The following CIB2 variants were observed in gnomAD, a reference collection of about 807,000 sequenced individuals.
CIB2 encodes the protein calcium and integrin binding family member 2.
CIB2 carries 19 observed loss-of-function variants against 23.1 expected under a neutral mutation model. That is an observed-to-expected ratio of 0.82 (90% CI 0.57 to 1.21). The LOEUF (loss-of-function observed/expected upper bound fraction) is 1.21. Among genes scored for constraint, CIB2 ranks in the 50% most tolerant of loss-of-function variants. CIB2 has a pLI of 0.00. For missense variants in CIB2, 220 were observed against 241.5 expected, an observed-to-expected ratio of 0.91 and a Z score of 0.59; for synonymous variants, 94 against 91.7, an observed-to-expected ratio of 1.03 and a Z score of -0.14.
chr15:78,117,246 C>CGAAAAAAAAAAAA, intron 2 of CIB2, among the ~76,000 whole-genome samples: 1 of 55,496 alleles, frequency 1.8e-5, no homozygotes. Context: ...AAGCTACTGG[C>CGAAAAAAAAAAAA]AAAAAAAAAA....
chr15:78,130,817 G>A (rs1269492373), intron 1 of CIB2, among the ~76,000 whole-genome samples: 1 of 152,200 alleles, frequency 6.6e-6, no homozygotes, highest in Admixed American at 6.5e-5. Flanking sequence ...AGGGAGCGGG[G>A]AGGGCGGTCC....
chr15:78,109,410 G>A, intron 3 of CIB2, 28 bp from the exon 4 acceptor site: 2 of 1,613,486 alleles, frequency 1.2e-6, no homozygotes, highest in Middle Eastern at 1.6e-4. Context: ...AGCAATCACT[G>A]TGGGTGCAGG....
At chr15:78,129,896 C>T (rs1316158454) in intron 1 of CIB2, among the ~76,000 whole-genome samples, 1 of 152,186 alleles carries the variant, frequency 6.6e-6, no homozygotes, top group Non-Finnish European at 1.5e-5. Flanking sequence ...GCGTAGAGGG[C>T]ATCAATTACT....
At chr15:78,128,076 CAAG>C (rs1330114138) in intron 1 of CIB2, among the ~76,000 whole-genome samples, 1 of 152,236 alleles carries the variant, frequency 6.6e-6, no homozygotes, top group East Asian at 1.9e-4. Context: ...AGAGGCCATA[CAAG>C]AAGGAAGCTG....
In CIB2 at chr15:78,117,246, C is replaced by CAAAAA. The variant is rs60332437; in HGVS notation, c.87-5975_87-5971dup. ...GTTAAGTGTTTCTTCAAGCTACTGGCAAAAAAAAAAAAAAAAAAAAAAAAA... is the reference window on the plus strand; with the variant it reads ...GTTAAGTGTTTCTTCAAGCTACTGGCAAAAAAAAAAAAAAAAAAAAAAAAAAAAAA... On this transcript the variant is annotated intron_variant, in intron 2 of 5. Coordinates refer to ENST00000258930, the MANE Select transcript of CIB2 (RefSeq NM_006383.4). Among the ~76,000 whole-genome samples, 21 of 55,472 alleles carry CAAAAA rather than the reference C, an allele frequency of 3.8e-4. 4 individuals carry two copies. The highest frequency in any genetic ancestry group is 3.7e-3 in the East Asian group (3 of 800). 36.4% of individuals were successfully genotyped at this position (55,472 alleles called of 152,430 possible).
At chr15:78,105,988 C>G in intron 4 of CIB2, 54 bp from the exon 5 acceptor site, 1 of 1,460,114 alleles carries the variant, frequency 6.8e-7, no homozygotes, top group Non-Finnish European at 9.6e-7. Context: ...ACCCAGGGAC[C>G]CCTACACTAT....
chr15:78,119,396 C>T (rs1194624325), intron 2 of CIB2, among the ~76,000 whole-genome samples: 4 of 152,146 alleles, frequency 2.6e-5, no homozygotes, highest in African/African-American at 7.2e-5. Flanking sequence ...TGTGGGTGTA[C>T]AAACATCTCA....
Position 78,105,909 on chromosome 15 carries a change from G to C in CIB2, c.372C>G (p.Cys124Trp). The C allele has an allele frequency of 6.2e-7, 1 of 1,614,150 alleles. No individual in the cohort carries two copies. The change falls in exon 5 of 6, where the codon TGC becomes TGG. Residue 124 changes from cysteine (C) to tryptophan (W), a missense_variant. Coordinates refer to ENST00000258930, the MANE Select transcript of CIB2 (RefSeq NM_006383.4). ...IYDFNTDNFI[C>W]KEDLELTLAR... Reference sequence around the variant, plus strand: ...CCAGCGTCAGCTCCAGGTCCTCCTTGCAGATGAAGTTGTCAGTGTTGAAGT... The same window carrying C: ...CCAGCGTCAGCTCCAGGTCCTCCTTCCAGATGAAGTTGTCAGTGTTGAAGT...
intron 1 of CIB2, among the ~76,000 whole-genome samples, chr15:78,128,799 A>G (rs931994111): frequency 2.6e-5 from 4 of 152,128 alleles, no homozygotes; most frequent in Non-Finnish European, 5.9e-5. Flanking sequence ...AGGAGGGAGC[A>G]GTCAGACCTC....
intron 1 of CIB2, among the ~76,000 whole-genome samples, chr15:78,124,297 G>A (rs1235370556): frequency 6.6e-6 from 1 of 152,080 alleles, no homozygotes; most frequent in Admixed American, 6.5e-5. Context: ...CCAGAGAAGG[G>A]AGTGAAGAGG....
At chr15:78,110,317 C>T (rs746768254) in intron 3 of CIB2, among the ~76,000 whole-genome samples, 43 of 152,246 alleles carry the variant, frequency 2.8e-4, no homozygotes, top group Non-Finnish European at 2.5e-4. Context: ...CCATGAGTGT[C>T]TCACCTGCTC....
At chr15:78,111,862 C>T (rs1317096153) in intron 2 of CIB2, among the ~76,000 whole-genome samples, 1 of 152,214 alleles carries the variant, frequency 6.6e-6, no homozygotes, top group Non-Finnish European at 1.5e-5. Context: ...AGCCTGGGCC[C>T]ACTTCGTGGC....
chr15:78,123,864 T>A, intron 1 of CIB2, 125 bp from the exon 2 acceptor site: 2 of 1,091,490 alleles, frequency 1.8e-6, no homozygotes, highest in South Asian at 2.6e-5. Context: ...GTCACTACTA[T>A]CCCTTTCCAC....
At chr15:78,108,686 G>T (rs912938796) in intron 4 of CIB2, among the ~76,000 whole-genome samples, 1 of 152,206 alleles carries the variant, frequency 6.6e-6, no homozygotes, top group African/African-American at 2.4e-5. Context: ...ACACCTCAAA[G>T]CTGCTGAGTG....
Position 78,131,086 on chromosome 15 carries a change from G to C in CIB2, c.51+79C>G. ...ACCTGGGAGAGCTGGCTCTCGGGAG[G>C]CCTCGGCCAGCGACCGAGAAAAGGG... On this transcript the variant is annotated intron_variant, in intron 1 of 5. Coordinates refer to ENST00000258930, the MANE Select transcript of CIB2 (RefSeq NM_006383.4). This position sits in a 1 kb window ranked among gnomAD's most constrained non-coding sequence, Gnocchi z 5.8. 1 of 1,306,832 alleles carries C rather than the reference G, an allele frequency of 7.7e-7. No individual in the cohort carries two copies. The allele number at this position is 1,306,832 out of a possible 1,614,324, so 81.0% of individuals were successfully genotyped here. A position where few individuals can be genotyped will look rare whatever the true frequency, so the allele number is the denominator to read the frequency against.
At chr15:78,128,280 C>T (rs1339506078) in intron 1 of CIB2, among the ~76,000 whole-genome samples, 1 of 152,118 alleles carries the variant, frequency 6.6e-6, no homozygotes, top group East Asian at 1.9e-4. Flanking sequence ...AGCAAAGGAG[C>T]AGGGAGAGCA....
intron 4 of CIB2, 36 bp downstream of exon 4, chr15:78,109,199 C>CCGCATATT: frequency 2.7e-6 from 3 of 1,090,942 alleles, no homozygotes; most frequent in Admixed American, 2.2e-5. Context: ...TGTTCCCCCA[C>CCGCATATT]CGCATATTCA....
intron 2 of CIB2, among the ~76,000 whole-genome samples, chr15:78,115,462 AT>A (rs2074225086): frequency 6.6e-6 from 1 of 151,780 alleles, no homozygotes; most frequent in African/African-American, 2.4e-5. Flanking sequence ...GGGTTTCGTC[AT>A]GCTGGCCAGG....
chr15:78,106,023 C>T (rs1689938855), intron 4 of CIB2, 89 bp from the exon 5 acceptor site: 5 of 1,005,910 alleles, frequency 5.0e-6, no homozygotes, highest in Non-Finnish European at 7.6e-6. Flanking sequence ...GCTGGCCCCA[C>T]TACCTCCACC....
Sources: allele counts gnomAD v4.1 joint callset (sites outside exome capture counted in the v4.1 genomes callset), GRCh38; gene constraint gnomAD v4.1.1; non-coding constraint Gnocchi (gnomAD v3.1); transcripts MANE v1.5; gene names NCBI Gene and HGNC (gene_info 2026-07-23, HGNC 2026-07-21).